MCOLN2: variants seen among roughly 807,000 people sequenced by gnomAD.
The protein encoded by MCOLN2 is mucolipin TRP cation channel 2.
MCOLN2 carries 57 observed loss-of-function variants against 67.5 expected under a neutral mutation model. The ratio of observed to expected loss-of-function variants is 0.84; its 90% confidence interval spans 0.68 to 1.05. The LOEUF (loss-of-function observed/expected upper bound fraction) is 1.05. Ranked by LOEUF, MCOLN2 falls within the 50% of genes least tolerant of loss-of-function variation. The probability of loss-of-function intolerance (pLI) is 0.00; values close to 1 mark genes in which losing one functional copy is unlikely to be tolerated. For synonymous variants in MCOLN2, 246 were observed against 233.3 expected (o/e 1.05, Z -0.50); for missense variants, 620 against 678.8 (o/e 0.91, Z 0.96).
intron 1 of MCOLN2, among the ~76,000 whole-genome samples, chr1:84,992,190 G>A (rs1368982095): frequency 6.6e-6 from 1 of 152,142 alleles, no homozygotes; most frequent in Non-Finnish European, 1.5e-5. Flanking sequence ...GGGTCTTCTA[G>A]AATTACACCA....
chr1:84,942,910 A>T (rs925227778), intron 7 of MCOLN2, among the ~76,000 whole-genome samples: 9 of 152,112 alleles, frequency 5.9e-5, no homozygotes, highest in African/African-American at 1.7e-4. Flanking sequence ...CCCAACCAGC[A>T]AGAAGGTCCT....
chr1:84,979,696 C>T lies in MCOLN2; in HGVS notation c.78-13988G>A, dbSNP rs532636074. ...ACCTCAACATAATAAGAACCATATA[C>T]AGCATACCCACAGCTAGTATCATAC... is the stretch of plus-strand genomic sequence containing the variant. On this transcript the variant is annotated intron_variant, in intron 1 of 13. Coordinates refer to ENST00000370608, the MANE Select transcript of MCOLN2 (RefSeq NM_153259.4). 5.3e-5 allele frequency among the ~76,000 whole-genome samples: 8 copies of T among 152,176 alleles called. No individual in the cohort carries two copies. In the South Asian group the frequency reaches 1.7e-3, roughly 32 times the overall value.
intron 1 of MCOLN2, among the ~76,000 whole-genome samples, chr1:84,990,140 C>CA (rs201101864): frequency 0.16 from 23,724 of 150,330 alleles, 1,985 homozygotes; most frequent in East Asian, 0.26. Flanking sequence ...ACTAAAAACA[C>CA]AAAAAAAATT....
rs549204536 is a variant in MCOLN2, at chr1:84,955,094, C to T, written c.565+1337G>A. Among the ~76,000 whole-genome samples the T allele has an allele frequency of 3.3e-5, 5 of 152,182 alleles. No homozygotes were observed. In the South Asian group the frequency reaches 1.0e-3, roughly 32 times the overall value. On this transcript the variant is annotated intron_variant, in intron 4 of 13. Coordinates refer to ENST00000370608, the MANE Select transcript of MCOLN2 (RefSeq NM_153259.4). ...GTTCTTGTGATAATGGGTGAGTTCTCATGAGATCTGATGGTTTTATAGGAG... is the reference window on the plus strand; with the variant it reads ...GTTCTTGTGATAATGGGTGAGTTCTTATGAGATCTGATGGTTTTATAGGAG...
At chr1:84,973,412 A>C (rs541316128) in intron 1 of MCOLN2, among the ~76,000 whole-genome samples, 5 of 152,296 alleles carry the variant, frequency 3.3e-5, no homozygotes, top group Non-Finnish European at 5.9e-5. Context: ...TAGGAGTTCA[A>C]GGCTGCAGTG....
At chr1:84,961,537 GCC>G (rs1649088201) in intron 2 of MCOLN2, among the ~76,000 whole-genome samples, 1 of 152,050 alleles carries the variant, frequency 6.6e-6, no homozygotes, top group Admixed American at 6.6e-5. Flanking sequence ...CATAGAACAA[GCC>G]AAGATAAAAA....
In MCOLN2 at chr1:84,956,600, C is replaced by T. The variant is rs377514462; in HGVS notation, c.412-16G>A. ...GCTGATGATACTATTAAAAAATAGT[C>T]AAGTAAAAACCACATATGACCTTTT... On this transcript the variant is annotated splice_polypyrimidine_tract_variant and intron_variant, in intron 3 of 13. Transcript: ENST00000370608. 8.9e-6 allele frequency: 14 copies of T among 1,564,488 alleles called. No homozygotes were observed. Among genetic ancestry groups the T allele is most frequent in the African/African-American group, 1.4e-5 (1 of 71,956 alleles).
chr1:84,988,721 C>T (rs902634082), intron 1 of MCOLN2, among the ~76,000 whole-genome samples: 2 of 152,158 alleles, frequency 1.3e-5, no homozygotes, highest in African/African-American at 4.8e-5. Context: ...TCAGATATCA[C>T]TTCTTTGTTG....
intron 1 of MCOLN2, among the ~76,000 whole-genome samples, chr1:84,989,303 AAAT>A (rs1286456715): frequency 3.9e-5 from 6 of 152,228 alleles, no homozygotes; most frequent in Non-Finnish European, 8.8e-5. Flanking sequence ...AACATGATAA[AAAT>A]AATAGAAAGT....
chr1:84,952,227 A>C lies in MCOLN2; in HGVS notation c.747+16T>G. On this transcript the variant is annotated intron_variant, in intron 6 of 13. Transcript: ENST00000370608. ...AAAAAATAAAAGGAAGTAGCTAGTAAAACAAAGATACTTGCCGTATTCTGA... is the reference window on the plus strand; with the variant it reads ...AAAAAATAAAAGGAAGTAGCTAGTACAACAAAGATACTTGCCGTATTCTGA... The C allele has an allele frequency of 6.4e-7, 1 of 1,571,888 alleles. No homozygotes were observed. Among genetic ancestry groups the C allele is most frequent in the East Asian group, 2.2e-5 (1 of 44,602 alleles).
At chr1:84,977,971 G>A (rs559884861) in intron 1 of MCOLN2, among the ~76,000 whole-genome samples, 1 of 152,106 alleles carries the variant, frequency 6.6e-6, no homozygotes, top group South Asian at 2.1e-4. Context: ...TCATTCTCAA[G>A]GACAGACCAT....
Position 84,997,040 on chromosome 1 carries a change from C to A in MCOLN2, c.-168G>T, listed in dbSNP as rs974431384. ...GCCGGCCGCGTGGTGCGCGCAGACC[C>A]CGGCCCGAGAGCAGGCGCCGCAGTC... On this transcript the variant is annotated 5_prime_UTR_variant, in exon 1 of 14. Coordinates refer to ENST00000370608, the MANE Select transcript of MCOLN2 (RefSeq NM_153259.4). The A allele has an allele frequency of 4.5e-5, 28 of 626,636 alleles. No homozygotes were observed. The highest frequency in any genetic ancestry group is 6.1e-5 in the Non-Finnish European group (22 of 360,228). 38.8% of individuals were successfully genotyped at this position (626,636 alleles called of 1,614,324 possible). A position where few individuals can be genotyped will look rare whatever the true frequency, so the allele number is the denominator to read the frequency against.
intron 1 of MCOLN2, among the ~76,000 whole-genome samples, chr1:84,975,230 G>A (rs1649939665): frequency 6.6e-6 from 1 of 152,136 alleles, no homozygotes; most frequent in Admixed American, 6.5e-5. Context: ...CCGGCCTTGG[G>A]CAACACCCAG....
At chr1:84,928,488 A>T (rs764717463) in intron 13 of MCOLN2, among the ~76,000 whole-genome samples, 5 of 152,244 alleles carry the variant, frequency 3.3e-5, no homozygotes, top group Non-Finnish European at 7.3e-5. Context: ...ACCAAGGTCC[A>T]AACACCAAAG....
rs116001957 is a variant in MCOLN2, at chr1:84,940,884, G to A, written c.955C>T (p.Arg319Trp). The A allele has an allele frequency of 1.0e-3, 1,686 of 1,609,528 alleles. 11 individuals are homozygous for A. The African/African-American group carries it at 0.013, about 13-fold the overall frequency. ...TRSIVLALRL[R>W]KRFLNFFLEK... is the part of the protein sequence containing the mutation. Reference sequence around the variant, plus strand: ...GAATGCGAACACACTCTTACCTTCCGTAACCTTAGAGCAAGAACAATGGAT... The same window carrying A: ...GAATGCGAACACACTCTTACCTTCCATAACCTTAGAGCAAGAACAATGGAT... The change falls in exon 8 of 14, where the codon CGG becomes TGG. Residue 319 changes from arginine to tryptophan, a missense_variant. Arg to Trp is a moderately radical substitution (Grantham distance 101). Coordinates refer to ENST00000370608, the MANE Select transcript of MCOLN2 (RefSeq NM_153259.4).
At chr1:84,960,054 C>T (rs192874578) in intron 2 of MCOLN2, among the ~76,000 whole-genome samples, 1 of 152,228 alleles carries the variant, frequency 6.6e-6, no homozygotes, top group East Asian at 1.9e-4. Context: ...AGTAAAATAG[C>T]TAATATTAAT....
At position 84,939,616 on chromosome 1, in the gene MCOLN2, C is replaced by T. The variant is rs764133618; in HGVS notation, c.1047G>A (p.Leu349=). The change falls in exon 9 of 14, where the codon CTG becomes CTA. Residue 349 remains leucine, a synonymous_variant. Transcript: ENST00000370608. ...QWEFINGWYV[L]VIISDLMTII... is the part of the protein sequence containing the mutation. ...TTGTCATTAGGTCGCTGATAATCAC[C>T]AGGACATACCAGCCGTTGATGAACT... 1.2e-6 allele frequency: 2 copies of T among 1,613,974 alleles called. No individual in the cohort carries two copies. The highest frequency in any genetic ancestry group is 4.5e-5 in the East Asian group (2 of 44,884).
intron 1 of MCOLN2, among the ~76,000 whole-genome samples, chr1:84,968,246 C>T (rs1649479646): frequency 6.6e-6 from 1 of 152,110 alleles, no homozygotes; most frequent in African/African-American, 2.4e-5. Flanking sequence ...ATAAACCAGG[C>T]CATGATTAAA....
At chr1:84,938,204 G>C (rs1557633111) in intron 9 of MCOLN2, 122 bp from the exon 10 acceptor site, 1 of 463,872 alleles carries the variant, frequency 2.2e-6, no homozygotes, top group African/African-American at 2.0e-5. Flanking sequence ...AGGTGATAGA[G>C]TTTTTTTTTG....
Sources: gnomAD v4.1 joint callset for allele counts (sites outside exome capture counted in the v4.1 genomes callset) on GRCh38, gnomAD v4.1.1 for gene constraint, MANE v1.5 for transcripts, NCBI Gene and HGNC (gene_info 2026-07-23, HGNC 2026-07-21) for gene names.